DNAJC13: variants seen among roughly 807,000 people sequenced by gnomAD.
DNAJC13 encodes the protein dnaJ homolog subfamily C member 13.
Under a neutral mutation model 290.5 loss-of-function variants are expected in DNAJC13, and 75 were observed. The observed-to-expected ratio is 0.26, with a 90% CI of 0.21 to 0.31. DNAJC13 has a LOEUF of 0.31. Ranked by LOEUF, DNAJC13 falls within the 10% of genes least tolerant of loss-of-function variation. The pLI, the probability that DNAJC13 is intolerant of heterozygous loss-of-function variation, is 1.00. For synonymous variants in DNAJC13, 862 were observed against 892.0 expected (o/e 0.97, Z 0.60); for missense variants, 2,260 against 2,674.5 (o/e 0.85, Z 3.42).
chr3:132,431,322 G>A lies in DNAJC13; in HGVS notation c.-13-3216G>A, dbSNP rs1939232685. On this transcript the variant is annotated intron_variant, in intron 1 of 55. Transcript: ENST00000260818. Reference sequence around the variant, plus strand: ...AATTGCACATTAGAATGTGGAAAGTGCTATGGGGGAAAAACAAGAGTAAGA... The same window carrying A: ...AATTGCACATTAGAATGTGGAAAGTACTATGGGGGAAAAACAAGAGTAAGA... Among the ~76,000 whole-genome samples the A allele has an allele frequency of 2.6e-5, 4 of 152,266 alleles. No homozygotes were observed. The South Asian group carries it at 8.3e-4, about 32-fold the overall frequency.
rs760085443 is a variant in DNAJC13 at position 132,434,556 on chromosome 3, C to T, written c.6C>T (p.Asn2=). The change falls in exon 2 of 56, where the codon AAC becomes AAT. Residue 2 remains asparagine, a synonymous_variant. Transcript: ENST00000260818. The part of the protein sequence containing the change: M[N]IIRENKDLAC... ...CTTCCAGGTTTGAGCACAAAATGAA[C>T]ATAATTAGGGAAAATAAGGATCTGG... The T allele has an allele frequency of 6.2e-7, 1 of 1,610,910 alleles. No individual in the cohort carries two copies. Among genetic ancestry groups the T allele is most frequent in the Non-Finnish European group, 8.5e-7 (1 of 1,178,372 alleles).
chr3:132,420,282 G>T (rs1440288903), intron 1 of DNAJC13, among the ~76,000 whole-genome samples: 2 of 152,234 alleles, frequency 1.3e-5, no homozygotes, highest in African/African-American at 2.4e-5. Flanking sequence ...ACTTTTAAGA[G>T]GGTCAAGAAA....
At chr3:132,450,879 T>C (rs1933396685) in intron 6 of DNAJC13, 32 bp downstream of exon 6, 13 of 1,271,284 alleles carry the variant, frequency 1.0e-5, no homozygotes, top group Non-Finnish European at 1.4e-5. Flanking sequence ...AAAAACACTT[T>C]AAAAGGGTCA....
At chr3:132,443,675 G>C (rs960547652) in intron 2 of DNAJC13, among the ~76,000 whole-genome samples, 1 of 152,148 alleles carries the variant, frequency 6.6e-6, no homozygotes, top group African/African-American at 2.4e-5. Context: ...ATCCTTAAGC[G>C]GAAGTTCAAC....
intron 6 of DNAJC13, 132 bp from the exon 7 acceptor site, chr3:132,453,166 C>G (rs1933470989): frequency 1.4e-6 from 1 of 701,320 alleles, no homozygotes. Context: ...GAAACAACTG[C>G]TTATTTGCCT....
At chr3:132,511,770 T>C (rs1275548959) in intron 44 of DNAJC13, among the ~76,000 whole-genome samples, 3 of 152,108 alleles carry the variant, frequency 2.0e-5, no homozygotes, top group African/African-American at 7.2e-5. Flanking sequence ...TCCAGGGAGA[T>C]GGATGAGTGA....
intron 39 of DNAJC13, among the ~76,000 whole-genome samples, chr3:132,501,354 G>T (rs1477462005): frequency 6.6e-6 from 1 of 152,146 alleles, no homozygotes; most frequent in East Asian, 1.9e-4. Flanking sequence ...ACAAAAATTA[G>T]CTGGGTATGA....
chr3:132,526,427 A>G, intron 53 of DNAJC13, 146 bp downstream of exon 53: 1 of 891,818 alleles, frequency 1.1e-6, no homozygotes, highest in South Asian at 1.8e-5. Context: ...TTTATATTTT[A>G]TATATACAAA....
chr3:132,527,875 T>C (rs1337257626), intron 53 of DNAJC13, among the ~76,000 whole-genome samples: 2 of 152,222 alleles, frequency 1.3e-5, no homozygotes, highest in African/African-American at 4.8e-5. Flanking sequence ...GTATAGGGGC[T>C]AAAAGCTCAG....
chr3:132,503,401 C>A lies in DNAJC13; in HGVS notation c.4884+20C>A. 6.2e-7 allele frequency: 1 copy of A among 1,613,426 alleles called. No homozygotes were observed. Among genetic ancestry groups the A allele is most frequent in the East Asian group, 2.2e-5 (1 of 44,868 alleles). On this transcript the variant is annotated intron_variant, in intron 41 of 55. Transcript: ENST00000260818. ...ACTGAGGTATGTGCTTCACAGGTAG[C>A]CTGGGTTTTAATCAATAGTGCAAGA...
intron 22 of DNAJC13, among the ~76,000 whole-genome samples, chr3:132,475,487 T>C (rs1934440347): frequency 6.6e-6 from 1 of 152,194 alleles, no homozygotes; most frequent in African/African-American, 2.4e-5. Context: ...TTTGCTGTTC[T>C]ATTAAAATAT....
At chr3:132,506,460 T>C (rs968030845) in intron 42 of DNAJC13, among the ~76,000 whole-genome samples, 3 of 151,916 alleles carry the variant, frequency 2.0e-5, no homozygotes, top group African/African-American at 7.3e-5. Flanking sequence ...CTAAATTCGT[T>C]TTGGTTTCAG....
At chr3:132,526,370 G>T in intron 53 of DNAJC13, 89 bp downstream of exon 53, 1 of 1,526,142 alleles carries the variant, frequency 6.6e-7, no homozygotes, top group Non-Finnish European at 8.9e-7. Flanking sequence ...TGGTTTCCTT[G>T]ACTTAAGGTT....
chr3:132,471,664 C>T (rs1178227812), intron 20 of DNAJC13, among the ~76,000 whole-genome samples: 27 of 123,196 alleles, frequency 2.2e-4, no homozygotes, highest in East Asian at 9.9e-4. Flanking sequence ...CGGGCAGAGA[C>T]GCTCCTCACT....
At chr3:132,504,775 A>G (rs1282844598) in intron 41 of DNAJC13, among the ~76,000 whole-genome samples, 1 of 152,228 alleles carries the variant, frequency 6.6e-6, no homozygotes, top group Admixed American at 6.5e-5. Flanking sequence ...ATGCCTAAGC[A>G]GTCATAATCT....
chr3:132,503,344 A>G lies in DNAJC13; in HGVS notation c.4847A>G (p.Tyr1616Cys), dbSNP rs141919412. 3.0e-5 allele frequency: 48 copies of G among 1,614,030 alleles called. No homozygotes were observed. Among genetic ancestry groups the G allele is most frequent in the Non-Finnish European group, 3.4e-5 (40 of 1,179,996 alleles). ...AGCTTAGCTGGCATGCTGACACCCT[A>G]TGTTGCTAGAAAACTTGCTGTGGCT... The part of the protein sequence containing the change: ...RKSLAGMLTP[Y>C]VARKLAVASV... The change falls in exon 41 of 56, where the codon TAT (tyrosine) becomes TGT (cysteine). Residue 1616 changes from tyrosine (Y) to cysteine (C), a missense_variant. Tyr to Cys is a radical substitution (Grantham distance 194, BLOSUM62 -2). Transcript: ENST00000260818.
chr3:132,455,429 A>G (rs1200157997), intron 9 of DNAJC13, among the ~76,000 whole-genome samples: 1 of 152,242 alleles, frequency 6.6e-6, no homozygotes, highest in East Asian at 1.9e-4. Context: ...AAACAGTTTG[A>G]TAATTTCTTA....
intron 2 of DNAJC13, among the ~76,000 whole-genome samples, chr3:132,440,564 A>G (rs1028385253): frequency 6.6e-6 from 1 of 152,246 alleles, no homozygotes; most frequent in Admixed American, 6.5e-5. Flanking sequence ...GATATTTACC[A>G]TTGTGTTACA....
chr3:132,465,693 TTTG>T (rs796898963), intron 17 of DNAJC13, among the ~76,000 whole-genome samples: 1 of 151,912 alleles, frequency 6.6e-6, no homozygotes, highest in Non-Finnish European at 1.5e-5. Flanking sequence ...TCTAATTGTT[TTTG>T]TTGTTTTTTT....
Sources: allele counts gnomAD v4.1 joint callset (sites outside exome capture counted in the v4.1 genomes callset), GRCh38; gene constraint gnomAD v4.1.1; transcripts MANE v1.5; gene names NCBI Gene and HGNC (gene_info 2026-07-23, HGNC 2026-07-21).